The following CSMD2 variants were observed in gnomAD, a reference collection of about 807,000 sequenced individuals.
CSMD2 encodes the protein CUB and Sushi multiple domains 2.
CSMD2 carries 130 observed loss-of-function variants against 398.5 expected under a neutral mutation model. That is an observed-to-expected ratio of 0.33 (90% CI 0.28 to 0.38). The LOEUF (loss-of-function observed/expected upper bound fraction) is 0.38, where lower values mean the gene tolerates loss of function less well. Among genes scored for constraint, CSMD2 ranks in the 10% least tolerant of loss-of-function variants. The probability of loss-of-function intolerance (pLI) is 1.00; values close to 1 mark genes in which losing one functional copy is unlikely to be tolerated. For missense variants in CSMD2, 3,829 were observed against 4,764.9 expected (o/e 0.80, Z 5.78); for synonymous variants, 1,828 against 1,908.5 (o/e 0.96, Z 1.10).
chr1:33,563,942 T>C lies in CSMD2; in HGVS notation c.8380+3651A>G, dbSNP rs978963173. Among the ~76,000 whole-genome samples the C allele has an allele frequency of 5.3e-5, 8 of 152,226 alleles. No individual in the cohort carries two copies. The South Asian group carries it at 1.0e-3, about 20-fold the overall frequency. On this transcript the variant is annotated intron_variant, in intron 53 of 70. Transcript: ENST00000373381. ...CACAGAGTAAACACTTACAAATATT[T>C]GTTCTTTTATTCTTGCTTTCCTCCT...
chr1:33,540,854 C>G (rs932850173), intron 59 of CSMD2, among the ~76,000 whole-genome samples, 156 bp from the exon 60 acceptor site: 1 of 152,162 alleles, frequency 6.6e-6, no homozygotes, highest in Non-Finnish European at 1.5e-5. Context: ...GAGTTCTGAT[C>G]TTTTTGCACC....
intron 3 of CSMD2, among the ~76,000 whole-genome samples, chr1:34,010,606 G>A (rs1308711095): frequency 6.7e-6 from 1 of 150,360 alleles, no homozygotes; most frequent in African/African-American, 2.5e-5. Flanking sequence ...TGACTCTCTT[G>A]ATTTTTTTTT....
chr1:33,723,589 G>A (rs1379151042), intron 19 of CSMD2, among the ~76,000 whole-genome samples: 1 of 152,194 alleles, frequency 6.6e-6, no homozygotes, highest in Non-Finnish European at 1.5e-5. Context: ...GGTCACTCAC[G>A]TTAGGGGAGC....
At chr1:33,824,981 CCAGCCCTTCCTGGGCTT>C (rs1179579223) in intron 7 of CSMD2, among the ~76,000 whole-genome samples, 1 of 152,128 alleles carries the variant, frequency 6.6e-6, no homozygotes, top group Admixed American at 6.5e-5. Flanking sequence ...AGAACCTTCC[CCAGCCCTTCCTGGGCTT>C]CAGCTCAAAA....
At chr1:33,993,685 T>A (rs1257587828) in intron 3 of CSMD2, among the ~76,000 whole-genome samples, 4 of 152,202 alleles carry the variant, frequency 2.6e-5, no homozygotes, top group African/African-American at 9.6e-5. Flanking sequence ...TCTCTCATAA[T>A]TCATAACTCT....
intron 12 of CSMD2, among the ~76,000 whole-genome samples, chr1:33,787,910 T>G (rs1336773962): frequency 1.3e-5 from 2 of 152,200 alleles, no homozygotes; most frequent in Non-Finnish European, 2.9e-5. Flanking sequence ...GGTGTTTATC[T>G]GTTCCTAGCC....
intron 1 of CSMD2, among the ~76,000 whole-genome samples, chr1:34,157,008 G>A (rs535096612): frequency 6.6e-6 from 1 of 152,206 alleles, no homozygotes; most frequent in South Asian, 2.1e-4. Context: ...TCTAGGGTAG[G>A]CACAATGTCT....
chr1:34,104,662 G>A (rs568902649), intron 1 of CSMD2, among the ~76,000 whole-genome samples: 8 of 152,306 alleles, frequency 5.3e-5, no homozygotes, highest in African/African-American at 1.7e-4. Flanking sequence ...TGTCTCACCT[G>A]CCACACGGAG....
At chr1:34,036,517 T>A (rs1651146848) in intron 2 of CSMD2, among the ~76,000 whole-genome samples, 1 of 152,092 alleles carries the variant, frequency 6.6e-6, no homozygotes, top group South Asian at 2.1e-4. Flanking sequence ...TTAGGAATCG[T>A]AAGAGGAAGG....
At chr1:33,818,203 AC>A (rs1159121089) in intron 9 of CSMD2, among the ~76,000 whole-genome samples, 2 of 152,172 alleles carry the variant, frequency 1.3e-5, no homozygotes, top group Non-Finnish European at 2.9e-5. Context: ...TGGTCCTCAG[AC>A]TTGATAATTC....
At chr1:33,850,335 C>A (rs1570262190) in intron 5 of CSMD2, among the ~76,000 whole-genome samples, 1 of 152,126 alleles carries the variant, frequency 6.6e-6, no homozygotes, top group Non-Finnish European at 1.5e-5. Context: ...GCTCTTTATG[C>A]CTTTTCTCAC....
At chr1:33,942,943 T>G (rs982080441) in intron 3 of CSMD2, among the ~76,000 whole-genome samples, 1 of 152,236 alleles carries the variant, frequency 6.6e-6, no homozygotes, top group Non-Finnish European at 1.5e-5. Flanking sequence ...CCTGGACTTC[T>G]GTGCCCAACT....
intron 19 of CSMD2, among the ~76,000 whole-genome samples, chr1:33,721,574 A>C (rs1415431572): frequency 6.6e-6 from 1 of 152,172 alleles, no homozygotes; most frequent in Non-Finnish European, 1.5e-5. Context: ...GGCTTGGTGG[A>C]AACAGCTCTG....
At chr1:33,776,837 G>A (rs1652051881) in intron 12 of CSMD2, among the ~76,000 whole-genome samples, 1 of 152,086 alleles carries the variant, frequency 6.6e-6, no homozygotes, top group Non-Finnish European at 1.5e-5. Flanking sequence ...AATAGAGGAT[G>A]GGAAGGGATG....
chr1:33,794,986 G>T (rs561992281), intron 10 of CSMD2, among the ~76,000 whole-genome samples: 1 of 151,970 alleles, frequency 6.6e-6, no homozygotes, highest in Non-Finnish European at 1.5e-5. Context: ...CTGTAGCAAG[G>T]TCTAGATGAA....
At chr1:33,996,594 G>A (rs1390038675) in intron 3 of CSMD2, among the ~76,000 whole-genome samples, 8 of 152,208 alleles carry the variant, frequency 5.3e-5, no homozygotes, top group Non-Finnish European at 1.2e-4. Context: ...CACTCAAGGG[G>A]CCACCCCTCT....
At chr1:34,011,131 G>A (rs1314075833) in intron 3 of CSMD2, among the ~76,000 whole-genome samples, 1 of 152,168 alleles carries the variant, frequency 6.6e-6, no homozygotes, top group Admixed American at 6.5e-5. Context: ...CTAGCCCCAA[G>A]CTGGGCTGGG....
intron 8 of CSMD2, 100 bp downstream of exon 8, chr1:33,820,369 T>C (rs1481845269): frequency 1.3e-5 from 10 of 786,176 alleles, no homozygotes; most frequent in Non-Finnish European, 2.1e-5. Flanking sequence ...ATCCATGCCA[T>C]CCTCTCCATT....
At chr1:33,660,701 T>A (rs1283004282) in intron 26 of CSMD2, among the ~76,000 whole-genome samples, 1 of 152,218 alleles carries the variant, frequency 6.6e-6, no homozygotes, top group African/African-American at 2.4e-5. Flanking sequence ...CTACTCTGCC[T>A]AAGCAATGCT....
Sources: gnomAD v4.1 joint callset for allele counts (sites outside exome capture counted in the v4.1 genomes callset) on GRCh38, gnomAD v4.1.1 for gene constraint, MANE v1.5 for transcripts, NCBI Gene and HGNC (gene_info 2026-07-23, HGNC 2026-07-21) for gene names.